KIAA0825: variants seen among roughly 807,000 people sequenced by gnomAD.
KIAA0825 encodes uncharacterized protein KIAA0825.
A neutral mutation model predicts 147.6 loss-of-function variants in KIAA0825; 119 were observed. The ratio of observed to expected loss-of-function variants is 0.81; its 90% CI spans 0.69 to 0.94. KIAA0825 has a LOEUF of 0.94. KIAA0825 is among the 40% of genes least tolerant of loss of function. The pLI, the probability that KIAA0825 is intolerant of heterozygous loss-of-function variation, is 0.00. For missense variants in KIAA0825, 1,381 were observed against 1,472.7 expected, an observed-to-expected ratio of 0.94 and a Z score of 1.02; for synonymous variants, 470 against 518.1, an observed-to-expected ratio of 0.91 and a Z score of 1.26.
intron 1 of KIAA0825, among the ~76,000 whole-genome samples, chr5:94,607,541 G>A (rs916087293): frequency 4.6e-5 from 7 of 152,098 alleles, no homozygotes; most frequent in African/African-American, 1.4e-4. Flanking sequence ...CCCACGAGAC[G>A]GAGGTTGTAG....
chr5:94,162,060 C>A (rs143540279), intron 20 of KIAA0825, among the ~76,000 whole-genome samples: 2 of 152,286 alleles, frequency 1.3e-5, no homozygotes, highest in Admixed American at 1.3e-4. Context: ...CTTGATTCAG[C>A]CTCTAAATGA....
rs377748930 is a variant in KIAA0825, at chr5:94,391,668, G to C, written c.3323C>G (p.Thr1108Arg). The change falls in exon 18 of 21, where the codon ACG becomes AGG. Residue 1108 changes from threonine (T) to arginine (R), a missense_variant. Transcript: ENST00000682413. Reference sequence around the variant, plus strand: ...AGCAACATCTCCTTCTTGTAAGGCCGTGCTTTTCTCTATTGTCATAAATGC... The same window carrying C: ...AGCAACATCTCCTTCTTGTAAGGCCCTGCTTTTCTCTATTGTCATAAATGC... ...ECAFMTIEKSTALQEGDVALE... is the reference protein window; with the variant it reads ...ECAFMTIEKSRALQEGDVALE... 2 of 1,548,222 alleles carry C rather than the reference G, an allele frequency of 1.3e-6. No homozygotes were observed. The highest frequency in any genetic ancestry group is 1.7e-6 in the Non-Finnish European group (2 of 1,145,464).
chr5:94,307,917 T>C (rs2150193011), intron 20 of KIAA0825, among the ~76,000 whole-genome samples: 1 of 151,888 alleles, frequency 6.6e-6, no homozygotes, highest in Non-Finnish European at 1.5e-5. Flanking sequence ...CTCTCAGGAC[T>C]CTGAGGAAAT....
At chr5:94,589,681 C>T (rs1010929062) in intron 1 of KIAA0825, among the ~76,000 whole-genome samples, 1 of 151,950 alleles carries the variant, frequency 6.6e-6, no homozygotes, top group African/African-American at 2.4e-5. Flanking sequence ...AAACTTTTCC[C>T]TTTTTTGTAT....
chr5:94,407,302 C>T (rs886664095), intron 15 of KIAA0825, among the ~76,000 whole-genome samples: 14 of 152,276 alleles, frequency 9.2e-5, no homozygotes, highest in Admixed American at 4.6e-4. Context: ...TGCTGGGACA[C>T]GCCTTCAATT....
chr5:94,206,808 T>A (rs958991749), intron 20 of KIAA0825, among the ~76,000 whole-genome samples: 9 of 152,168 alleles, frequency 5.9e-5, no homozygotes, highest in African/African-American at 2.2e-4. Flanking sequence ...ACATCAACCA[T>A]TTATGGACTA....
chr5:94,250,907 G>T (rs957576594), intron 20 of KIAA0825, among the ~76,000 whole-genome samples: 2 of 152,050 alleles, frequency 1.3e-5, no homozygotes, highest in Non-Finnish European at 2.9e-5. Context: ...TAAAGCAGTC[G>T]TTCTGTTTTA....
chr5:94,479,705 C>T (rs1258031843), intron 6 of KIAA0825, among the ~76,000 whole-genome samples: 2 of 152,138 alleles, frequency 1.3e-5, no homozygotes, highest in Non-Finnish European at 2.9e-5. Flanking sequence ...TACCATTTTG[C>T]ATTCCTAACA....
At chr5:94,547,178 G>T (rs758686270) in intron 2 of KIAA0825, among the ~76,000 whole-genome samples, 38 of 150,976 alleles carry the variant, frequency 2.5e-4, no homozygotes, top group Non-Finnish European at 5.2e-4. Flanking sequence ...GGAGACAAAA[G>T]AAAAAAGAAT....
At chr5:94,382,858 C>G (rs2150517793) in intron 20 of KIAA0825, among the ~76,000 whole-genome samples, 1 of 152,196 alleles carries the variant, frequency 6.6e-6, no homozygotes, top group South Asian at 2.1e-4. Flanking sequence ...GATGTTTGTC[C>G]CTAGAGGACC....
chr5:94,555,787 G>A (rs926716283), intron 2 of KIAA0825, among the ~76,000 whole-genome samples: 8 of 152,068 alleles, frequency 5.3e-5, no homozygotes, highest in Admixed American at 1.3e-4. Context: ...AAATTTTAAT[G>A]TTAGCATTCC....
intron 20 of KIAA0825, among the ~76,000 whole-genome samples, chr5:94,192,528 A>T (rs548709728): frequency 6.6e-6 from 1 of 152,220 alleles, no homozygotes; most frequent in South Asian, 2.1e-4. Flanking sequence ...ATCTTTTTAT[A>T]TGGATTCCGC....
intron 20 of KIAA0825, among the ~76,000 whole-genome samples, chr5:94,289,353 T>C (rs569851389): frequency 2.6e-5 from 4 of 151,976 alleles, no homozygotes; most frequent in African/African-American, 4.8e-5. Context: ...CTGGCCAACA[T>C]GGCAAAACCC....
chr5:94,323,733 A>G (rs781051329), intron 20 of KIAA0825, among the ~76,000 whole-genome samples: 4 of 151,904 alleles, frequency 2.6e-5, no homozygotes, highest in Admixed American at 1.3e-4. Flanking sequence ...ATGGCATCCT[A>G]CACCTGATAT....
At position 94,391,826 on chromosome 5, in the gene KIAA0825, G is replaced by A. The variant is rs1046959981; in HGVS notation, c.3297-132C>T. 19 of 762,976 alleles carry A rather than the reference G, an allele frequency of 2.5e-5. No individual in the cohort carries two copies. In the African/African-American group the frequency reaches 2.9e-4, roughly 12 times the overall value. The allele number at this position is 762,976 out of a possible 1,614,324, so 47.3% of individuals were successfully genotyped here. A position where few individuals can be genotyped will look rare whatever the true frequency, so the allele number is the denominator to read the frequency against. On this transcript the variant is annotated intron_variant, in intron 17 of 20. Coordinates refer to ENST00000682413, the MANE Select transcript of KIAA0825 (RefSeq NM_001145678.3). ...CATCCATAAAGACTACGCTGAAATA[G>A]GTAAGCCTTCCCAAACCGCTGCCAC... is the stretch of plus-strand genomic sequence containing the variant.
At chr5:94,317,022 CTTTG>C (rs2150228524) in intron 20 of KIAA0825, among the ~76,000 whole-genome samples, 1 of 151,840 alleles carries the variant, frequency 6.6e-6, no homozygotes, top group Non-Finnish European at 1.5e-5. Flanking sequence ...GCAGGAGTGT[CTTTG>C]TTTCTTTTTC....
At chr5:94,245,532 T>C (rs1222935486) in intron 20 of KIAA0825, among the ~76,000 whole-genome samples, 1 of 152,162 alleles carries the variant, frequency 6.6e-6, no homozygotes, top group Admixed American at 6.5e-5. Flanking sequence ...TTTCTCCCTT[T>C]CTTTTTTTAT....
At chr5:94,374,354 A>G (rs1747200437) in intron 20 of KIAA0825, among the ~76,000 whole-genome samples, 1 of 152,184 alleles carries the variant, frequency 6.6e-6, no homozygotes, top group Non-Finnish European at 1.5e-5. Context: ...TTTCTACTTC[A>G]CTAAAGTAAT....
intron 1 of KIAA0825, among the ~76,000 whole-genome samples, chr5:94,603,123 G>A (rs770088938): frequency 6.6e-6 from 1 of 151,842 alleles, no homozygotes; most frequent in African/African-American, 2.4e-5. Flanking sequence ...CACTGCATCT[G>A]GCCTCGGGTA....
Sources: gnomAD v4.1 joint callset for allele counts (sites outside exome capture counted in the v4.1 genomes callset) on GRCh38, gnomAD v4.1.1 for gene constraint, MANE v1.5 for transcripts, NCBI Gene and HGNC (gene_info 2026-07-23, HGNC 2026-07-21) for gene names.